The following SNX29 variants were observed in gnomAD, a reference collection of about 807,000 sequenced individuals.
SNX29 encodes the protein sorting nexin-29.
SNX29 carries 78 observed loss-of-function variants against 102.1 expected under a neutral mutation model. The observed-to-expected ratio is 0.76, with a 90% CI of 0.64 to 0.92. The LOEUF (loss-of-function observed/expected upper bound fraction) is 0.92, where lower values mean the gene tolerates loss of function less well. Among genes scored for constraint, SNX29 ranks in the 40% least tolerant of loss-of-function variants. The probability of loss-of-function intolerance (pLI) is 0.00; values close to 1 mark genes in which losing one functional copy is unlikely to be tolerated. For missense variants in SNX29, 1,280 were observed against 1,061.7 expected, an observed-to-expected ratio of 1.21 and a Z score of -2.86; for synonymous variants, 580 against 414.5, an observed-to-expected ratio of 1.40 and a Z score of -4.85.
chr16:12,564,480 C>G (rs1242992713), intron 20 of SNX29, among the ~76,000 whole-genome samples: 2 of 152,180 alleles, frequency 1.3e-5, no homozygotes, highest in East Asian at 1.9e-4. Flanking sequence ...GATCTTTCTC[C>G]AAGGTCTAGA....
In SNX29 at chr16:12,572,818, G is replaced by A. The variant is rs1194273718; in HGVS notation, c.*4189G>A. 9.4e-6 allele frequency: 10 copies of A among 1,063,610 alleles called. No homozygotes were observed. The highest frequency in any genetic ancestry group is 1.1e-5 in the Non-Finnish European group (10 of 878,250). The allele number at this position is 1,063,610 out of a possible 1,614,324, so 65.9% of individuals were successfully genotyped here. ...CCCAGTACATCAGACTGGTTAGGAG[G>A]CATCCCAGAAGGGGCAGCCTCATGC... is the stretch of plus-strand genomic sequence containing the variant. On this transcript the variant is annotated 3_prime_UTR_variant, in exon 21 of 21. Transcript: ENST00000566228.
intron 14 of SNX29, among the ~76,000 whole-genome samples, chr16:12,264,177 A>C (rs975152051): frequency 6.6e-6 from 1 of 152,242 alleles, no homozygotes; most frequent in Non-Finnish European, 1.5e-5. Context: ...GTCTGGCCCC[A>C]GCCCCTGTGC....
intron 14 of SNX29, among the ~76,000 whole-genome samples, chr16:12,201,066 C>G (rs1291297733): frequency 1.3e-5 from 2 of 152,100 alleles, no homozygotes; most frequent in East Asian, 3.9e-4. Context: ...TTGTATATTT[C>G]TTTTGGTTAC....
At chr16:12,493,793 T>C (rs140237894) in intron 19 of SNX29, among the ~76,000 whole-genome samples, 1 of 152,320 alleles carries the variant, frequency 6.6e-6, no homozygotes, top group Non-Finnish European at 1.5e-5. Context: ...GGTTTCACCA[T>C]GTTGGCCAGA....
intron 6 of SNX29, 24 bp downstream of exon 6, chr16:12,046,478 G>T (rs376467146): frequency 2.5e-6 from 4 of 1,612,768 alleles, no homozygotes; most frequent in Non-Finnish European, 3.4e-6. Context: ...AGACCAGGGT[G>T]CAGGGCCTTG....
intron 15 of SNX29, among the ~76,000 whole-genome samples, chr16:12,350,534 G>A (rs1370263176): frequency 6.6e-6 from 1 of 152,202 alleles, no homozygotes; most frequent in Non-Finnish European, 1.5e-5. Flanking sequence ...GCCATCCGCT[G>A]TGGGCAGGCA....
intron 2 of SNX29, among the ~76,000 whole-genome samples, chr16:12,001,717 T>G (rs565856643): frequency 2.6e-4 from 40 of 152,146 alleles, no homozygotes; most frequent in Non-Finnish European, 4.0e-4. Flanking sequence ...TACTATACCT[T>G]TAAAAGAAAA....
intron 14 of SNX29, among the ~76,000 whole-genome samples, chr16:12,258,571 T>C (rs1228950935): frequency 3.3e-5 from 5 of 152,158 alleles, no homozygotes; most frequent in Admixed American, 3.3e-4. Flanking sequence ...ATGTAAGTGC[T>C]CAGCAGAACT....
intron 19 of SNX29, among the ~76,000 whole-genome samples, chr16:12,479,456 G>A (rs910619230): frequency 6.6e-6 from 1 of 152,044 alleles, no homozygotes; most frequent in African/African-American, 2.4e-5. Flanking sequence ...ACCTGATCAC[G>A]CCAAGGTCTG....
chr16:12,554,863 G>C (rs28648496), intron 20 of SNX29, among the ~76,000 whole-genome samples: 8 of 152,290 alleles, frequency 5.3e-5, no homozygotes, highest in Admixed American at 2.0e-4. Flanking sequence ...GCTCAGGAAA[G>C]AGGACAAAGA....
chr16:12,493,778 G>C (rs1017560346), intron 19 of SNX29, among the ~76,000 whole-genome samples: 1 of 152,196 alleles, frequency 6.6e-6, no homozygotes, highest in African/African-American at 2.4e-5. Context: ...TTTTAGTAGA[G>C]ACGGGGTTTC....
chr16:12,267,501 G>A (rs186268330), intron 14 of SNX29, among the ~76,000 whole-genome samples: 16 of 152,282 alleles, frequency 1.1e-4, no homozygotes, highest in African/African-American at 3.6e-4. Flanking sequence ...TGCTCCTGGG[G>A]TCCTTTAGGC....
chr16:12,392,825 A>G (rs2083577081), intron 16 of SNX29, among the ~76,000 whole-genome samples: 1 of 152,168 alleles, frequency 6.6e-6, no homozygotes, highest in African/African-American at 2.4e-5. Context: ...GCAAATGAAA[A>G]AACTAACAGA....
At chr16:12,418,836 A>C (rs891907362) in intron 18 of SNX29, among the ~76,000 whole-genome samples, 8 of 152,260 alleles carry the variant, frequency 5.3e-5, no homozygotes, top group Non-Finnish European at 2.9e-5. Flanking sequence ...TTTTCTTCAC[A>C]TGCCTGGTGT....
chr16:12,238,784 TAGA>T (rs1427603578), intron 14 of SNX29, among the ~76,000 whole-genome samples: 2 of 152,232 alleles, frequency 1.3e-5, no homozygotes, highest in African/African-American at 2.4e-5. Context: ...GTATCTTTCC[TAGA>T]AGGTCACACT....
rs974736473 is a variant in SNX29, at chr16:12,568,820, G to C, written c.*191G>C. ...TTCGAGCCGCATGATACCGTGACCC[G>C]AGAGACCAAGGCAGCACCTCGCTGG... On this transcript the variant is annotated 3_prime_UTR_variant, in exon 21 of 21. Coordinates refer to ENST00000566228, the MANE Select transcript of SNX29 (RefSeq NM_032167.5). 3 of 888,068 alleles carry C rather than the reference G, an allele frequency of 3.4e-6. No individual in the cohort carries two copies. In the South Asian group the frequency reaches 5.4e-5, roughly 16 times the overall value. 55.0% of individuals were successfully genotyped at this position (888,068 alleles called of 1,614,324 possible). A position where few individuals can be genotyped will look rare whatever the true frequency, so the allele number is the denominator to read the frequency against.
chr16:12,111,981 C>T (rs1039194872), intron 11 of SNX29, among the ~76,000 whole-genome samples: 2 of 152,174 alleles, frequency 1.3e-5, no homozygotes, highest in Non-Finnish European at 2.9e-5. Flanking sequence ...TCCGCAGACA[C>T]ACCCACCCCG....
intron 4 of SNX29, among the ~76,000 whole-genome samples, chr16:12,039,886 T>G (rs1447171065): frequency 6.6e-6 from 1 of 152,216 alleles, no homozygotes; most frequent in Non-Finnish European, 1.5e-5. Context: ...GGCGATGGCC[T>G]TGGTTGTGAT....
chr16:12,097,939 A>G (rs1327632327), intron 11 of SNX29, among the ~76,000 whole-genome samples: 1 of 152,228 alleles, frequency 6.6e-6, no homozygotes, highest in African/African-American at 2.4e-5. Context: ...CTGCTTCATT[A>G]AAGTTGGGGG....
Sources: allele counts gnomAD v4.1 joint callset (sites outside exome capture counted in the v4.1 genomes callset), GRCh38; gene constraint gnomAD v4.1.1; transcripts MANE v1.5; gene names NCBI Gene and HGNC (gene_info 2026-07-23, HGNC 2026-07-21).